PAX2: variants seen among roughly 807,000 people sequenced by gnomAD.
PAX2 encodes paired box protein Pax-2.
Under a neutral mutation model 41.7 loss-of-function variants are expected in PAX2, and 9 were observed. That is an observed-to-expected ratio of 0.22 (90% CI 0.13 to 0.38). The LOEUF is 0.38. PAX2 is among the 10% of genes least tolerant of loss of function. The pLI, the probability that PAX2 is intolerant of heterozygous loss-of-function variation, is 1.00. For synonymous variants in PAX2, 221 were observed against 212.7 expected (o/e 1.04, Z -0.34); for missense variants, 418 against 531.6 (o/e 0.79, Z 2.10).
Position 100,746,192 on chromosome 10 carries a change from G to A in PAX2, c.-69G>A. On this transcript the variant is annotated 5_prime_UTR_variant, in exon 1 of 10. Transcript: ENST00000355243. ...CACCGTCCCTCCCTTTTCTCCTCAA[G>A]TCCTGAAGTTGAGTTTGAGAGGCGA... is the stretch of plus-strand genomic sequence containing the variant. 3 of 1,601,422 alleles carry A rather than the reference G, an allele frequency of 1.9e-6. No homozygotes were observed. Among genetic ancestry groups the A allele is most frequent in the Non-Finnish European group, 2.6e-6 (3 of 1,173,284 alleles).
intron 3 of PAX2, among the ~76,000 whole-genome samples, chr10:100,765,089 A>T (rs1349393459): frequency 6.6e-6 from 1 of 152,232 alleles, no homozygotes; most frequent in Non-Finnish European, 1.5e-5. Flanking sequence ...GAGTTTGACA[A>T]TCATTGCAGT....
At chr10:100,799,522 G>T (rs1016368492) in intron 5 of PAX2, among the ~76,000 whole-genome samples, 23 of 152,224 alleles carry the variant, frequency 1.5e-4, no homozygotes, top group African/African-American at 5.5e-4. Context: ...TGACAGAGAA[G>T]GCAAACATGG....
chr10:100,767,621 G>A lies in PAX2; in HGVS notation c.411-11877G>A, dbSNP rs140374413. 3.9e-5 allele frequency among the ~76,000 whole-genome samples: 6 copies of A among 152,214 alleles called. No individual in the cohort carries two copies. In the East Asian group the frequency reaches 1.2e-3, roughly 29 times the overall value. On this transcript the variant is annotated intron_variant, in intron 3 of 9. Coordinates refer to ENST00000355243, the MANE Select transcript of PAX2 (RefSeq NM_000278.5). ...TCATGCTGGGTGTTCACGGAGTATCGATTCAGTCTGCAAGCAATTTTAATA... is the reference window on the plus strand; with the variant it reads ...TCATGCTGGGTGTTCACGGAGTATCAATTCAGTCTGCAAGCAATTTTAATA...
intron 3 of PAX2, among the ~76,000 whole-genome samples, chr10:100,771,734 G>A (rs1846216793): frequency 6.6e-6 from 1 of 152,172 alleles, no homozygotes. Flanking sequence ...GATATAGGCA[G>A]CTCTCAAAGA....
At chr10:100,762,019 C>T (rs1845858522) in intron 3 of PAX2, among the ~76,000 whole-genome samples, 1 of 152,064 alleles carries the variant, frequency 6.6e-6, no homozygotes, top group Non-Finnish European at 1.5e-5. Flanking sequence ...CCACAAGCCT[C>T]CTCTGAAGCT....
At chr10:100,746,360 C>G (rs1449979480) in intron 1 of PAX2, 57 bp downstream of exon 1, 82 of 1,227,380 alleles carry the variant, frequency 6.7e-5, no homozygotes, top group Non-Finnish European at 9.9e-5. Flanking sequence ...CCAACCCTGT[C>G]CAGTCCCAGC....
intron 5 of PAX2, among the ~76,000 whole-genome samples, chr10:100,804,440 T>C (rs1847686835): frequency 6.6e-6 from 1 of 152,036 alleles, no homozygotes; most frequent in African/African-American, 2.4e-5. Flanking sequence ...AATAACCATA[T>C]ATGAAGATAT....
Position 100,827,625 on chromosome 10 carries a change from G to T in PAX2, c.*6G>T. ...CTGCCTATGACCGCCACTAGTTACC[G>T]CGGGGACCACATCAAGCTTCAGGCC... On this transcript the variant is annotated 3_prime_UTR_variant, in exon 10 of 10. Transcript: ENST00000355243. The surrounding 1 kb of genome is among the most constrained non-coding windows in gnomAD (Gnocchi z 8.5). 6.2e-7 allele frequency: 1 copy of T among 1,613,858 alleles called. No individual in the cohort carries two copies. Among genetic ancestry groups the T allele is most frequent in the Non-Finnish European group, 8.5e-7 (1 of 1,179,934 alleles).
chr10:100,806,545 C>T lies in PAX2; in HGVS notation c.732C>T (p.Val244=). ...TQQQLEALDR[V]FERPSYPDVF... ...AGCAGCTGGAAGCTTTGGATCGGGT[C>T]TTTGAGCGTCCTTCCTACCCTGACG... The change falls in exon 6 of 10, where the codon GTC becomes GTT. Residue 244 remains valine (V), a synonymous_variant. Coordinates refer to ENST00000355243, the MANE Select transcript of PAX2 (RefSeq NM_000278.5). The T allele has an allele frequency of 6.2e-7, 1 of 1,614,218 alleles. No individual in the cohort carries two copies. Among genetic ancestry groups the T allele is most frequent in the Non-Finnish European group, 8.5e-7 (1 of 1,180,034 alleles).
chr10:100,803,005 G>A (rs776897883), intron 5 of PAX2, among the ~76,000 whole-genome samples: 11 of 151,830 alleles, frequency 7.2e-5, no homozygotes, highest in Non-Finnish European at 1.2e-4. Flanking sequence ...TGCCGAGCTC[G>A]CTCCCCATCT....
chr10:100,781,432 T>G, intron 5 of PAX2, 67 bp downstream of exon 5: 29 of 1,574,040 alleles, frequency 1.8e-5, no homozygotes, highest in Non-Finnish European at 2.3e-5. Context: ...AAGCTCCGGT[T>G]TCGGCCTGGC....
chr10:100,820,810 A>G (rs1848357708), intron 7 of PAX2, among the ~76,000 whole-genome samples: 1 of 152,208 alleles, frequency 6.6e-6, no homozygotes, highest in Admixed American at 6.5e-5. Flanking sequence ...GGTTTTGTCC[A>G]TTTGTAATTT....
chr10:100,739,431 G>A (rs1291988045), intron 1 of PAX2, among the ~76,000 whole-genome samples: 3 of 152,238 alleles, frequency 2.0e-5, no homozygotes, highest in African/African-American at 7.2e-5. Flanking sequence ...TGGGAGAGGA[G>A]GAAGGAAAGG....
rs966886887 is a variant in PAX2 at position 100,826,031 on chromosome 10, G to C, written c.1022-978G>C. On this transcript the variant is annotated intron_variant, in intron 8 of 9. Transcript: ENST00000355243. The surrounding 1 kb of genome is among the most constrained non-coding windows in gnomAD (Gnocchi z 5.5). The stretch of plus-strand genomic sequence containing the variant: ...CCGCAGAGAGCTCGTGGTGTCGAGG[G>C]GGGAGTCGTTAAACAGAATCTAGTG... 6.6e-6 allele frequency among the ~76,000 whole-genome samples: 1 copy of C among 152,020 alleles called. No homozygotes were observed. Among genetic ancestry groups the C allele is most frequent in the African/African-American group, 2.4e-5 (1 of 41,374 alleles).
At chr10:100,735,643 T>C in exon 1 of PAX2, 1 of 1,057,574 alleles carries the variant, frequency 9.5e-7, no homozygotes, top group South Asian at 4.4e-5. Context: ...AGACGCGTTG[T>C]CGGGCCGCGG....
intron 1 of PAX2, among the ~76,000 whole-genome samples, chr10:100,736,967 A>G (rs1284035961): frequency 6.6e-6 from 1 of 152,224 alleles, no homozygotes; most frequent in East Asian, 1.9e-4. Context: ...GCCCAAGGAC[A>G]GACCTAACGT....
At position 100,748,748 on chromosome 10, in the gene PAX2, G is replaced by A; in HGVS notation, c.44-998G>A. The A allele has an allele frequency of 1.0e-6, 1 of 985,472 alleles. No homozygotes were observed. Among genetic ancestry groups the A allele is most frequent in the Non-Finnish European group, 1.2e-6 (1 of 829,952 alleles). 61.0% of individuals were successfully genotyped at this position (985,472 alleles called of 1,614,324 possible). A position where few individuals can be genotyped will look rare whatever the true frequency, so the allele number is the denominator to read the frequency against. ...GTTGGAAACCCCGTGCCCTTCTCTT[G>A]GCCGAAAGAGCAAAAGCCCGAGCCG... is the stretch of plus-strand genomic sequence containing the variant. On this transcript the variant is annotated intron_variant, in intron 1 of 9. Transcript: ENST00000355243. This position sits in a 1 kb window ranked among gnomAD's most constrained non-coding sequence, Gnocchi z 5.0.
In PAX2 at chr10:100,747,862, T is replaced by G. The variant is rs1008749126; in HGVS notation, c.43+1559T>G. 10 of 984,642 alleles carry G rather than the reference T, an allele frequency of 1.0e-5. No individual in the cohort carries two copies. In the African/African-American group the frequency reaches 1.8e-4, roughly 17 times the overall value. The allele number at this position is 984,642 out of a possible 1,614,324, so 61.0% of individuals were successfully genotyped here. A position where few individuals can be genotyped will look rare whatever the true frequency, so the allele number is the denominator to read the frequency against. On this transcript the variant is annotated intron_variant, in intron 1 of 9. Coordinates refer to ENST00000355243, the MANE Select transcript of PAX2 (RefSeq NM_000278.5). ...CCAGCCAGCCTGCCTCGCGGCCCGC[T>G]GCCACAGCTCTCGTTCTCCTTTTTT...
intron 7 of PAX2, among the ~76,000 whole-genome samples, chr10:100,818,980 G>T (rs1198070188): frequency 1.3e-5 from 2 of 152,154 alleles, no homozygotes; most frequent in Non-Finnish European, 2.9e-5. Flanking sequence ...GGGCGTCGTG[G>T]CTCACCCTGT....
Sources: allele counts gnomAD v4.1 joint callset (sites outside exome capture counted in the v4.1 genomes callset), GRCh38; gene constraint gnomAD v4.1.1; non-coding constraint Gnocchi (gnomAD v3.1); transcripts MANE v1.5; gene names NCBI Gene and HGNC (gene_info 2026-07-23, HGNC 2026-07-21).